Variants in BAZ1B observed in about 807,000 individuals in gnomAD.
BAZ1B encodes the protein bromodomain adjacent to zinc finger domain 1B.
In BAZ1B, 22 loss-of-function variants were observed where a neutral mutation model predicts 153.8. The observed-to-expected ratio is 0.14, with a 90% CI of 0.10 to 0.20. The LOEUF (loss-of-function observed/expected upper bound fraction) is 0.20. Among genes scored for constraint, BAZ1B ranks in the 10% least tolerant of loss-of-function variants. The probability of loss-of-function intolerance (pLI) is 1.00; values close to 1 mark genes in which losing one functional copy is unlikely to be tolerated. For missense variants in BAZ1B, 1,325 were observed against 1,799.3 expected (o/e 0.74, Z 4.77); for synonymous variants, 676 against 633.4 (o/e 1.07, Z -1.01).
intron 12 of BAZ1B, among the ~76,000 whole-genome samples, chr7:73,461,114 T>C (rs1788380646): frequency 6.6e-6 from 1 of 152,104 alleles, no homozygotes; most frequent in Non-Finnish European, 1.5e-5. Context: ...TAGCTGGGAT[T>C]ACAGGCATGT....
At chr7:73,447,429 T>A in intron 15 of BAZ1B, 50 bp from the exon 16 acceptor site, 4 of 1,562,572 alleles carry the variant, frequency 2.6e-6, no homozygotes, top group Non-Finnish European at 3.5e-6. Context: ...CCCAAAGTGG[T>A]CCTAAGAAGG....
rs531573783 is a variant in BAZ1B, at chr7:73,483,879, A to G, written c.892-5310T>C. 4.6e-3 allele frequency among the ~76,000 whole-genome samples: 707 copies of G among 152,258 alleles called. 2 individuals are homozygous for G. Among genetic ancestry groups the G allele is most frequent in the African/African-American group, 0.016 (666 of 41,566 alleles). On this transcript the variant is annotated intron_variant, in intron 6 of 19. Coordinates refer to ENST00000339594, the MANE Select transcript of BAZ1B (RefSeq NM_032408.4). ...GGTCTCAAACTCATGGGCTCAAGCA[A>G]TCCTCCCACCTCAGCCCCTCAAACT...
chr7:73,463,070 A>G lies in BAZ1B; in HGVS notation c.3101T>C (p.Leu1034Pro), dbSNP rs782232678. The change falls in exon 12 of 20, where the codon CTA becomes CCA. Residue 1034 changes from leucine to proline, a missense_variant. Physicochemically the swap from Leu to Pro is moderately conservative, Grantham distance 98. Transcript: ENST00000339594. ...RYQDIIHSIH[L>P]ARKPNLGLKS... is the part of the protein sequence containing the mutation. ...TAGACCCAAATTTGGCTTCCGTGCT[A>G]GATGAATAGAGTGAATAATGTCCTG... 6.2e-7 allele frequency: 1 copy of G among 1,613,870 alleles called. No homozygotes were observed. The highest frequency in any genetic ancestry group is 1.1e-5 in the South Asian group (1 of 91,052).
intron 1 of BAZ1B, among the ~76,000 whole-genome samples, chr7:73,514,280 T>C (rs1790703155): frequency 6.6e-6 from 1 of 152,090 alleles, no homozygotes; most frequent in Non-Finnish European, 1.5e-5. Flanking sequence ...CCTATAATCC[T>C]GGCATTTTGG....
chr7:73,489,671 T>TAGTC (rs1443393611), intron 5 of BAZ1B, among the ~76,000 whole-genome samples: 2 of 152,106 alleles, frequency 1.3e-5, no homozygotes, highest in Admixed American at 6.6e-5. Context: ...AATACGCCAA[T>TAGTC]AGTCCTAGCT....
chr7:73,497,932 C>T (rs1479484634), intron 4 of BAZ1B, among the ~76,000 whole-genome samples: 1 of 151,738 alleles, frequency 6.6e-6, no homozygotes, highest in Non-Finnish European at 1.5e-5. Context: ...GCAATGTGCA[C>T]ACAGCTTTTG....
At chr7:73,443,851 C>CCA (rs1787721556) in intron 17 of BAZ1B, 133 bp downstream of exon 17, 4 of 1,390,282 alleles carry the variant, frequency 2.9e-6, no homozygotes, top group Non-Finnish European at 4.0e-6. Flanking sequence ...ATCTGCCTCC[C>CCA]CAGCCTCCCA....
chr7:73,446,839 G>A (rs1787856082), intron 16 of BAZ1B, among the ~76,000 whole-genome samples: 1 of 152,208 alleles, frequency 6.6e-6, no homozygotes, highest in African/African-American at 2.4e-5. Context: ...GCAGGGAGGA[G>A]AAAATCACTG....
intron 1 of BAZ1B, among the ~76,000 whole-genome samples, chr7:73,519,672 G>T (rs563014063): frequency 6.6e-6 from 1 of 151,982 alleles, no homozygotes; most frequent in Non-Finnish European, 1.5e-5. Flanking sequence ...AAAAGCCTGC[G>T]TTGCCAGTCC....
At position 73,477,887 on chromosome 7, in the gene BAZ1B, C is replaced by T. The variant is rs1489480389; in HGVS notation, c.1574G>A (p.Arg525His). 1 of 1,614,092 alleles carries T rather than the reference C, an allele frequency of 6.2e-7. No homozygotes were observed. The highest frequency in any genetic ancestry group is 8.5e-7 in the Non-Finnish European group (1 of 1,180,008). Residue 525 changes from arginine (R) to histidine (H), a missense_variant, in exon 7 of 20, where the codon CGC becomes CAC. Around this residue, in one of 9 missense-constraint regions of BAZ1B, gnomAD observed 154 missense variants for 266.3 expected, o/e 0.58. Transcript: ENST00000339594. The surrounding 1 kb of genome is among the most constrained non-coding windows in gnomAD (Gnocchi z 5.6). ...CTTTTTGTGCTCTAGAAGTTCATAG[C>T]GTTTTTGAACAAGACTTCGCAATTC... ...PEELRSLVQK[R>H]YELLEHKKRW...
At chr7:73,462,610 C>T in intron 12 of BAZ1B, 1 of 321,246 alleles carries the variant, frequency 3.1e-6, no homozygotes, top group South Asian at 2.9e-5. Context: ...GCACAGGCAT[C>T]GCAAGGTAAA....
intron 7 of BAZ1B, 89 bp from the exon 8 acceptor site, chr7:73,470,572 A>G: frequency 1.4e-6 from 2 of 1,409,586 alleles, no homozygotes; most frequent in Middle Eastern, 3.7e-4. Context: ...AAAAGTGCCT[A>G]GTATACAGTA....
intron 6 of BAZ1B, among the ~76,000 whole-genome samples, chr7:73,481,075 C>A (rs571604107): frequency 1.3e-5 from 2 of 152,114 alleles, no homozygotes; most frequent in East Asian, 2.0e-4. Flanking sequence ...TACAGGTGTG[C>A]GCCACCATAC....
chr7:73,504,649 G>C (rs1243111589), intron 3 of BAZ1B, among the ~76,000 whole-genome samples: 1 of 151,988 alleles, frequency 6.6e-6, no homozygotes, highest in Non-Finnish European at 1.5e-5. Context: ...GGGCGACAGA[G>C]CGAGACTCTG....
chr7:73,443,738 GTTGCAGGCTGCCCGCTAACTAGT>G (rs1210702099), intron 17 of BAZ1B, among the ~76,000 whole-genome samples: 34 of 152,222 alleles, frequency 2.2e-4, no homozygotes, highest in African/African-American at 7.5e-4. Flanking sequence ...TCCTTAATAA[GTTGCAGGCTGCCCGCTAACTAGT>G]TTGCAGGCTA....
intron 7 of BAZ1B, among the ~76,000 whole-genome samples, chr7:73,473,767 T>G (rs1554572393): frequency 6.6e-6 from 1 of 152,056 alleles, no homozygotes; most frequent in African/African-American, 2.4e-5. Flanking sequence ...GCAGGAAGAT[T>G]GCTTGAGTTT....
Position 73,506,621 on chromosome 7 carries a change from G to A in BAZ1B, c.369+1706C>T, listed in dbSNP as rs544290977. Among the ~76,000 whole-genome samples, 26 of 151,920 alleles carry A rather than the reference G, an allele frequency of 1.7e-4. No homozygotes were observed. In the East Asian group the frequency reaches 4.3e-3, roughly 25 times the overall value. On this transcript the variant is annotated intron_variant, in intron 3 of 19. Coordinates refer to ENST00000339594, the MANE Select transcript of BAZ1B (RefSeq NM_032408.4). ...GTAATCCCAACTCTGGGAGGCTGAA[G>A]TAGGCATATCACCCGAGGTCGAGAG... is the stretch of plus-strand genomic sequence containing the variant.
At chr7:73,444,429 T>C (rs562557576) in intron 16 of BAZ1B, among the ~76,000 whole-genome samples, 1 of 152,348 alleles carries the variant, frequency 6.6e-6, no homozygotes, top group East Asian at 1.9e-4. Flanking sequence ...ATAAGGCCCC[T>C]GCAGGAATCA....
Position 73,444,066 on chromosome 7 carries a change from C to A in BAZ1B, c.3908G>T (p.Arg1303Leu). Residue 1303 changes from arginine (R) to leucine (L), a missense_variant, in exon 17 of 20, where the codon CGG becomes CTG. Transcript: ENST00000339594. ...SVIPPAARSG[R>L]RPGKKPHSTR... The stretch of plus-strand genomic sequence containing the variant: ...AGAGTGTGGCTTCTTACCCGGGCGC[C>A]GGCCTGACCTTGCTGCAGGGGGGAT... 6.2e-7 allele frequency: 1 copy of A among 1,613,642 alleles called. No individual in the cohort carries two copies. Among genetic ancestry groups the A allele is most frequent in the Non-Finnish European group, 8.5e-7 (1 of 1,179,804 alleles).
Sources: gnomAD v4.1 joint callset for allele counts (sites outside exome capture counted in the v4.1 genomes callset) on GRCh38, gnomAD v4.1.1 for gene constraint, gnomAD v4.1.1 regional missense constraint, Gnocchi (gnomAD v3.1) non-coding constraint, MANE v1.5 for transcripts, NCBI Gene and HGNC (gene_info 2026-07-23, HGNC 2026-07-21) for gene names.